SLC6A3: variants seen among roughly 807,000 people sequenced by gnomAD.
The protein encoded by SLC6A3 is sodium-dependent dopamine transporter.
SLC6A3 carries 19 observed loss-of-function variants against 70.4 expected under a neutral mutation model. That is an observed-to-expected ratio of 0.27 (90% CI 0.19 to 0.40). SLC6A3 has a LOEUF of 0.40. Ranked by LOEUF, SLC6A3 falls within the 10% of genes least tolerant of loss-of-function variation. The pLI, the probability that SLC6A3 is intolerant of heterozygous loss-of-function variation, is 1.00. For synonymous variants in SLC6A3, 368 were observed against 356.6 expected, an observed-to-expected ratio of 1.03 and a Z score of -0.36; for missense variants, 613 against 838.5, an observed-to-expected ratio of 0.73 and a Z score of 3.32.
intron 9 of SLC6A3, 93 bp from the exon 10 acceptor site, chr5:1,409,942 C>G: frequency 6.6e-7 from 1 of 1,524,244 alleles, no homozygotes; most frequent in Non-Finnish European, 9.0e-7. Context: ...GGACGCACAC[C>G]CGGGGATGGA....
At position 1,401,688 on chromosome 5, in the gene SLC6A3, G is replaced by A. The variant is rs1755854604; in HGVS notation, c.1768-702C>T. On this transcript the variant is annotated intron_variant, in intron 13 of 14. Transcript: ENST00000270349. This position sits in a 1 kb window ranked among gnomAD's most constrained non-coding sequence, Gnocchi z 6.1. The stretch of plus-strand genomic sequence containing the variant: ...TTTACTTGGCTTACGTTCAGAGTTT[G>A]GCCATGCGAGGGGTAAGGGCGCTGG... Among the ~76,000 whole-genome samples the A allele has an allele frequency of 6.6e-6, 1 of 151,954 alleles. No homozygotes were observed. Among genetic ancestry groups the A allele is most frequent in the East Asian group, 1.9e-4 (1 of 5,186 alleles).
At chr5:1,430,963 C>CA (rs1756685368) in intron 4 of SLC6A3, among the ~76,000 whole-genome samples, 1 of 152,258 alleles carries the variant, frequency 6.6e-6, no homozygotes, top group East Asian at 1.9e-4. Flanking sequence ...CTCATTTTGG[C>CA]ATATAAACGT....
chr5:1,396,520 G>A lies in SLC6A3; in HGVS notation c.1840-1762C>T, dbSNP rs900151700. On this transcript the variant is annotated intron_variant, in intron 14 of 14. Coordinates refer to ENST00000270349, the MANE Select transcript of SLC6A3 (RefSeq NM_001044.5). This position sits in a 1 kb window ranked among gnomAD's most constrained non-coding sequence, Gnocchi z 7.0. ...GAGCTGAGACGCTGGAAAGGAGAGC[G>A]AGGGAAACGGAGGTGGCTGCAGTTT... Among the ~76,000 whole-genome samples the A allele has an allele frequency of 2.6e-5, 4 of 152,220 alleles. No homozygotes were observed. The highest frequency in any genetic ancestry group is 1.9e-4 in the East Asian group (1 of 5,198).
intron 3 of SLC6A3, among the ~76,000 whole-genome samples, chr5:1,439,860 G>A (rs1192403097): frequency 2.0e-5 from 3 of 152,224 alleles, no homozygotes; most frequent in East Asian, 1.9e-4. Context: ...AGTCAGAAAC[G>A]TCTGGGATCA....
At chr5:1,409,164 T>C in intron 10 of SLC6A3, 39 bp from the exon 11 acceptor site, 1 of 1,447,902 alleles carries the variant, frequency 6.9e-7, no homozygotes. Flanking sequence ...CAGAAGGGCT[T>C]TCCCCAGAGG....
chr5:1,412,721 C>T (rs552343099), intron 8 of SLC6A3, among the ~76,000 whole-genome samples: 3 of 152,392 alleles, frequency 2.0e-5, no homozygotes, highest in South Asian at 4.1e-4. Flanking sequence ...GTCCCCTGTC[C>T]TCAGCAGGCA....
In SLC6A3 at chr5:1,432,799, G is replaced by A. The variant is rs1756736907; in HGVS notation, c.419-101C>T. The A allele has an allele frequency of 3.7e-6, 3 of 820,978 alleles. No homozygotes were observed. In the African/African-American group the frequency reaches 5.1e-5, roughly 14 times the overall value. The allele number at this position is 820,978 out of a possible 1,614,324, so 50.9% of individuals were successfully genotyped here. A position where few individuals can be genotyped will look rare whatever the true frequency, so the allele number is the denominator to read the frequency against. ...CTCCCCTCACGGGAGACATTACCCT[G>A]AGCCCACAACTCCTGGACAGCCCTG... On this transcript the variant is annotated intron_variant, in intron 3 of 14. Transcript: ENST00000270349.
chr5:1,420,778 C>A, intron 5 of SLC6A3, 75 bp from the exon 6 acceptor site: 1 of 1,553,210 alleles, frequency 6.4e-7, no homozygotes, highest in South Asian at 1.1e-5. Context: ...ACAAGGGCAC[C>A]GGGTTGCCCT....
rs572834455 is a variant in SLC6A3, at chr5:1,413,024, G to A, written c.1156+1667C>T. Reference sequence around the variant, plus strand: ...ATGTAATGTCAACACCCGTGCCTTCGTTTCTGTACCTAAGTTAACATTTCA... The same window carrying A: ...ATGTAATGTCAACACCCGTGCCTTCATTTCTGTACCTAAGTTAACATTTCA... On this transcript the variant is annotated intron_variant, in intron 8 of 14. Coordinates refer to ENST00000270349, the MANE Select transcript of SLC6A3 (RefSeq NM_001044.5). The surrounding 1 kb of genome is among the most constrained non-coding windows in gnomAD (Gnocchi z 7.1). 2.2e-4 allele frequency among the ~76,000 whole-genome samples: 33 copies of A among 152,320 alleles called. No individual in the cohort carries two copies. Among genetic ancestry groups the A allele is most frequent in the South Asian group, 1.9e-3 (9 of 4,832 alleles).
chr5:1,395,461 C>T (rs955935837), intron 14 of SLC6A3, among the ~76,000 whole-genome samples: 3 of 152,208 alleles, frequency 2.0e-5, no homozygotes, highest in African/African-American at 2.4e-5. Context: ...AAAACCACGC[C>T]GGCCATGGAA....
At chr5:1,420,783 T>A (rs1033239042) in intron 5 of SLC6A3, 80 bp from the exon 6 acceptor site, 2 of 1,523,010 alleles carry the variant, frequency 1.3e-6, no homozygotes, top group African/African-American at 2.7e-5. Context: ...GGCACCGGGT[T>A]GCCCTGACGG....
chr5:1,407,462 G>T (rs893798192), intron 11 of SLC6A3, among the ~76,000 whole-genome samples: 1 of 152,266 alleles, frequency 6.6e-6, no homozygotes, highest in Non-Finnish European at 1.5e-5. Flanking sequence ...GCCGGAGCAG[G>T]AGTCATCAGC....
intron 7 of SLC6A3, among the ~76,000 whole-genome samples, chr5:1,415,141 C>T (rs961524980): frequency 7.2e-5 from 11 of 151,976 alleles, no homozygotes; most frequent in Admixed American, 3.9e-4. Context: ...ACACACCTCC[C>T]GGGGACCTCG....
chr5:1,442,847 G>T lies in SLC6A3; in HGVS notation c.286+65C>A. The stretch of plus-strand genomic sequence containing the variant: ...TTCATCTCGTTTCCGTACGTGCCTT[G>T]GCCCCGGCTGCCCCTACGACCCCCG... On this transcript the variant is annotated intron_variant, in intron 2 of 14. Coordinates refer to ENST00000270349, the MANE Select transcript of SLC6A3 (RefSeq NM_001044.5). The surrounding 1 kb of genome is among the most constrained non-coding windows in gnomAD (Gnocchi z 5.0). 1 of 1,536,670 alleles carries T rather than the reference G, an allele frequency of 6.5e-7. No individual in the cohort carries two copies. Among genetic ancestry groups the T allele is most frequent in the Non-Finnish European group, 9.0e-7 (1 of 1,110,906 alleles).
At position 1,413,214 on chromosome 5, in the gene SLC6A3, G is replaced by A. The variant is rs1341699226; in HGVS notation, c.1156+1477C>T. Among the ~76,000 whole-genome samples the A allele has an allele frequency of 2.6e-5, 4 of 152,124 alleles. No homozygotes were observed. The highest frequency in any genetic ancestry group is 4.2e-4 in the South Asian group (2 of 4,818). On this transcript the variant is annotated intron_variant, in intron 8 of 14. Transcript: ENST00000270349. The surrounding 1 kb of genome is among the most constrained non-coding windows in gnomAD (Gnocchi z 7.1). ...AAGAATGAAGAAAAGGCATAAATGC[G>A]GCACCGAGTAAATTTCACTGCTCTG...
intron 4 of SLC6A3, among the ~76,000 whole-genome samples, chr5:1,422,723 G>C (rs2975287): frequency 2.0e-3 from 77 of 38,858 alleles, no homozygotes; most frequent in South Asian, 6.5e-3. Flanking sequence ...GCTGCCCACG[G>C]TGCTGGGTGC....
At chr5:1,440,659 G>A (rs765645247) in intron 3 of SLC6A3, among the ~76,000 whole-genome samples, 2 of 152,170 alleles carry the variant, frequency 1.3e-5, no homozygotes, top group Admixed American at 6.5e-5. Context: ...AATCCAACAG[G>A]ACTTCTGGCC....
At chr5:1,409,902 G>T (rs1756074674) in intron 9 of SLC6A3, 53 bp from the exon 10 acceptor site, 6 of 1,609,232 alleles carry the variant, frequency 3.7e-6, no homozygotes, top group Non-Finnish European at 5.1e-6. Context: ...CCTGACCGCA[G>T]CCTGGGCCAA....
At chr5:1,410,678 G>C (rs994919042) in intron 9 of SLC6A3, among the ~76,000 whole-genome samples, 7 of 152,166 alleles carry the variant, frequency 4.6e-5, no homozygotes, top group African/African-American at 1.7e-4. Context: ...GGGTAGCTGA[G>C]GCTTCCAGGG....
Sources: allele counts gnomAD v4.1 joint callset (sites outside exome capture counted in the v4.1 genomes callset), GRCh38; gene constraint gnomAD v4.1.1; non-coding constraint Gnocchi (gnomAD v3.1); transcripts MANE v1.5; gene names NCBI Gene and HGNC (gene_info 2026-07-23, HGNC 2026-07-21).